The following MTMR3 variants were observed in gnomAD, a reference collection of about 807,000 sequenced individuals.
MTMR3 encodes the protein myotubularin related protein 3.
A neutral mutation model predicts 132.4 loss-of-function variants in MTMR3; 32 were observed. The ratio of observed to expected loss-of-function variants is 0.24; its 90% CI spans 0.18 to 0.32. The LOEUF is 0.32. Ranked by LOEUF, MTMR3 falls within the 10% of genes least tolerant of loss-of-function variation. The pLI is 1.00. For synonymous variants in MTMR3, 556 were observed against 550.3 expected, an observed-to-expected ratio of 1.01 and a Z score of -0.14; for missense variants, 1,216 against 1,489.6, an observed-to-expected ratio of 0.82 and a Z score of 3.02.
chr22:30,008,010 A>G lies in MTMR3; in HGVS notation c.987A>G (p.Lys329=). ...SYAAAVANRA[K]GGGCECPEYY... The stretch of plus-strand genomic sequence containing the variant: ...CAGCTGCTGTGGCAAACCGAGCCAA[A>G]GGAGGAGGCTGCGAATGCCCAGGTG... Residue 329 remains lysine (K), a synonymous_variant, in exon 11 of 20, where the codon AAA becomes AAG. Transcript: ENST00000401950. 1 of 1,612,926 alleles carries G rather than the reference A, an allele frequency of 6.2e-7. No individual in the cohort carries two copies. Among genetic ancestry groups the G allele is most frequent in the Non-Finnish European group, 8.5e-7 (1 of 1,179,942 alleles).
chr22:29,896,322 AC>A (rs1725084765), intron 1 of MTMR3, among the ~76,000 whole-genome samples: 1 of 152,090 alleles, frequency 6.6e-6, no homozygotes, highest in Non-Finnish European at 1.5e-5. Flanking sequence ...AAACAAACAA[AC>A]AAAAAAAACT....
At chr22:30,023,341 AAC>A (rs2067815797) in intron 19 of MTMR3, 4 of 1,027,654 alleles carry the variant, frequency 3.9e-6, no homozygotes, top group East Asian at 4.8e-5. Context: ...TTGAAAATGG[AAC>A]AGTCTCTTTG....
intron 1 of MTMR3, among the ~76,000 whole-genome samples, chr22:29,892,299 A>ACT (rs1220387248): frequency 6.6e-6 from 1 of 152,100 alleles, no homozygotes. Context: ...CAATGTAAGT[A>ACT]CTCTATTTCT....
intron 1 of MTMR3, among the ~76,000 whole-genome samples, chr22:29,896,869 T>TCTCTCA (rs145703649): frequency 8.7e-5 from 12 of 138,222 alleles, no homozygotes; most frequent in South Asian, 4.9e-4. Context: ...CAGGCTTGTC[T>TCTCTCA]CACACACACA....
intron 5 of MTMR3, chr22:29,984,379 A>G (rs2066815530): frequency 6.6e-6 from 1 of 152,266 alleles, no homozygotes; most frequent in African/African-American, 2.4e-5. Context: ...ATAGTAGGGT[A>G]TGATGGCATC....
At chr22:29,962,103 CTGTA>C (rs1477013516) in intron 2 of MTMR3, among the ~76,000 whole-genome samples, 1 of 152,186 alleles carries the variant, frequency 6.6e-6, no homozygotes, top group Admixed American at 6.5e-5. Flanking sequence ...CGAAGCTTGA[CTGTA>C]TGTGCATAGA....
intron 1 of MTMR3, among the ~76,000 whole-genome samples, chr22:29,948,321 G>C (rs2065989111): frequency 6.6e-6 from 1 of 152,216 alleles, no homozygotes; most frequent in Non-Finnish European, 1.5e-5. Flanking sequence ...AAAACTGTGT[G>C]GCAGGCGCCA....
At chr22:29,954,584 G>A (rs1358664114) in intron 1 of MTMR3, among the ~76,000 whole-genome samples, 1 of 152,160 alleles carries the variant, frequency 6.6e-6, no homozygotes, top group East Asian at 1.9e-4. Flanking sequence ...TCCATCTCTT[G>A]GAAGTTAATC....
In MTMR3 at chr22:30,008,052, G is replaced by A. The variant is rs1303038880; in HGVS notation, c.1009+20G>A. 6.2e-7 allele frequency: 1 copy of A among 1,610,214 alleles called. No individual in the cohort carries two copies. The highest frequency in any genetic ancestry group is 1.7e-5 in the Admixed American group (1 of 59,912). On this transcript the variant is annotated intron_variant, in intron 11 of 19. Coordinates refer to ENST00000401950, the MANE Select transcript of MTMR3 (RefSeq NM_021090.4). The stretch of plus-strand genomic sequence containing the variant: ...GCCCAGGTGAGGTGTATGGTGCTTT[G>A]TTCCCCATACTTTCTCCTTGTGAGT...
intron 12 of MTMR3, 67 bp downstream of exon 12, chr22:30,009,196 A>T: frequency 8.8e-7 from 1 of 1,132,848 alleles, no homozygotes; most frequent in Non-Finnish European, 1.3e-6. Flanking sequence ...CTTTCCTTGA[A>T]CTAAGGGGGA....
chr22:29,975,493 C>G (rs1457844726), intron 3 of MTMR3, among the ~76,000 whole-genome samples: 1 of 152,124 alleles, frequency 6.6e-6, no homozygotes, highest in Non-Finnish European at 1.5e-5. Context: ...AAAATGCAGC[C>G]TCAGGCAGAT....
intron 2 of MTMR3, among the ~76,000 whole-genome samples, chr22:29,957,969 A>G (rs1309436933): frequency 6.6e-6 from 1 of 151,864 alleles, no homozygotes; most frequent in Non-Finnish European, 1.5e-5. Context: ...ACTTAATCAT[A>G]GGTACATACG....
intron 1 of MTMR3, among the ~76,000 whole-genome samples, chr22:29,901,626 A>G (rs115122677): frequency 1.6e-3 from 243 of 152,274 alleles, no homozygotes; most frequent in African/African-American, 5.6e-3. Flanking sequence ...GTCTCTGGCA[A>G]CCACTGATCT....
intron 3 of MTMR3, among the ~76,000 whole-genome samples, chr22:29,975,931 C>T (rs529396247): frequency 9.4e-4 from 143 of 152,262 alleles, no homozygotes; most frequent in Non-Finnish European, 1.9e-3. Flanking sequence ...AGGTTAGTTG[C>T]AGTGTAGAAT....
chr22:29,893,932 A>G (rs1052260770), intron 1 of MTMR3, among the ~76,000 whole-genome samples: 1 of 151,886 alleles, frequency 6.6e-6, no homozygotes, highest in Non-Finnish European at 1.5e-5. Context: ...TGCAACCTCC[A>G]CCTCTTGGGT....
intron 1 of MTMR3, among the ~76,000 whole-genome samples, chr22:29,931,656 G>A (rs370688049): frequency 6.6e-6 from 1 of 152,086 alleles, no homozygotes. Context: ...CTCGTGATCC[G>A]CCTGCCTTGG....
chr22:30,023,864 CT>C, intron 19 of MTMR3: 1 of 188,038 alleles, frequency 5.3e-6, no homozygotes, highest in East Asian at 1.5e-4. Context: ...ATCACTGCTT[CT>C]TTTTTCCCTT....
chr22:30,007,724 T>G (rs778333781), intron 10 of MTMR3, 177 bp from the exon 11 acceptor site: 36 of 719,124 alleles, frequency 5.0e-5, no homozygotes, highest in African/African-American at 7.2e-5. Context: ...CTTCTCATCT[T>G]TCATAAGAAG....
chr22:29,991,509 A>G lies in MTMR3; in HGVS notation c.299A>G (p.Gln100Arg). ...CTTGTTTGGCTTTACAAAAGGTGTC[A>G]GTTTTCAACCTTTGAGCAGTGTCAA... ...TCKDCKVIRC[Q>R]FSTFEQCQEW... The change falls in exon 7 of 20, where the codon CAG becomes CGG. Residue 100 changes from glutamine (Q) to arginine (R), a missense_variant. By Grantham distance (43) the Gln-to-Arg change is conservative. Around this residue, in one of 7 missense-constraint regions of MTMR3, gnomAD observed 129 missense variants for 245.7 expected, o/e 0.53. Coordinates refer to ENST00000401950, the MANE Select transcript of MTMR3 (RefSeq NM_021090.4). 6.2e-7 allele frequency: 1 copy of G among 1,604,984 alleles called. No homozygotes were observed. The highest frequency in any genetic ancestry group is 8.5e-7 in the Non-Finnish European group (1 of 1,176,690).
Sources: allele counts gnomAD v4.1 joint callset (sites outside exome capture counted in the v4.1 genomes callset), GRCh38; gene constraint gnomAD v4.1.1; regional missense constraint gnomAD v4.1.1; transcripts MANE v1.5; gene names NCBI Gene and HGNC (gene_info 2026-07-23, HGNC 2026-07-21).